Variants in PPP2R2B observed in about 807,000 individuals in gnomAD.
The protein encoded by PPP2R2B is protein phosphatase 2 regulatory subunit Bbeta.
A neutral mutation model predicts 46.0 loss-of-function variants in PPP2R2B; 5 were observed. That is an observed-to-expected ratio of 0.11 (90% confidence interval 0.06 to 0.23). PPP2R2B has a LOEUF of 0.23. PPP2R2B is among the 10% of genes least tolerant of loss of function. The pLI, the probability that PPP2R2B is intolerant of heterozygous loss-of-function variation, is 1.00. For missense variants in PPP2R2B, 367 were observed against 575.0 expected (o/e 0.64, Z 3.70); for synonymous variants, 215 against 206.7 (o/e 1.04, Z -0.34).
intron 2 of PPP2R2B, among the ~76,000 whole-genome samples, chr5:146,730,088 CA>C (rs1355841506): frequency 6.6e-6 from 1 of 152,226 alleles, no homozygotes; most frequent in African/African-American, 2.4e-5. Flanking sequence ...TGCAAAGCCA[CA>C]GGGGCAGAGC....
At chr5:146,707,680 A>G (rs1373687912) in intron 2 of PPP2R2B, 1 of 545,282 alleles carries the variant, frequency 1.8e-6, no homozygotes, top group Non-Finnish European at 3.3e-6. Flanking sequence ...TTGGTAGAAT[A>G]TATCTTTTCT....
At chr5:146,788,631 T>C (rs914936739) in intron 2 of PPP2R2B, among the ~76,000 whole-genome samples, 1 of 152,154 alleles carries the variant, frequency 6.6e-6, no homozygotes, top group African/African-American at 2.4e-5. Context: ...CTTGGGAGGC[T>C]GAGGCAAGAG....
At chr5:146,703,613 A>G (rs989423600) in intron 2 of PPP2R2B, among the ~76,000 whole-genome samples, 1 of 152,188 alleles carries the variant, frequency 6.6e-6, no homozygotes, top group African/African-American at 2.4e-5. Context: ...ATATTACTCC[A>G]AGGGCAACAC....
intron 2 of PPP2R2B, among the ~76,000 whole-genome samples, chr5:146,824,433 A>G (rs2151337981): frequency 6.6e-6 from 1 of 152,292 alleles, no homozygotes; most frequent in East Asian, 1.9e-4. Context: ...TTTGTGAGTT[A>G]GCTCTTTGGC....
At chr5:146,899,008 C>T (rs1265901040) in intron 1 of PPP2R2B, among the ~76,000 whole-genome samples, 3 of 151,084 alleles carry the variant, frequency 2.0e-5, no homozygotes, top group Non-Finnish European at 4.4e-5. Flanking sequence ...GAAATAGGAA[C>T]ATTTTACACT....
chr5:146,600,791 TA>T (rs1378450760), intron 7 of PPP2R2B, among the ~76,000 whole-genome samples: 1 of 152,194 alleles, frequency 6.6e-6, no homozygotes, highest in East Asian at 1.9e-4. Context: ...TTAAGATAGT[TA>T]AAAAAATTTG....
intron 2 of PPP2R2B, among the ~76,000 whole-genome samples, chr5:146,855,433 A>T (rs1760597898): frequency 6.6e-6 from 1 of 152,212 alleles, no homozygotes; most frequent in Non-Finnish European, 1.5e-5. Flanking sequence ...ATCTTTATCC[A>T]TAGTCTGATG....
chr5:146,934,154 G>A (rs1265545716), intron 1 of PPP2R2B, among the ~76,000 whole-genome samples: 2 of 152,066 alleles, frequency 1.3e-5, no homozygotes, highest in Non-Finnish European at 1.5e-5. Flanking sequence ...GTGTGCATGT[G>A]TCTTTATAGC....
chr5:146,986,974 G>A (rs902456572), intron 1 of PPP2R2B, among the ~76,000 whole-genome samples: 4 of 152,016 alleles, frequency 2.6e-5, no homozygotes, highest in African/African-American at 4.8e-5. Flanking sequence ...ACTCTCAAAT[G>A]TCAAAAACAA....
At chr5:146,925,614 GTGGATCTATT>G (rs1763757368) in intron 1 of PPP2R2B, among the ~76,000 whole-genome samples, 1 of 152,156 alleles carries the variant, frequency 6.6e-6, no homozygotes, top group African/African-American at 2.4e-5. Flanking sequence ...GTGTTCAAGT[GTGGATCTATT>G]TGTATTTATC....
intron 1 of PPP2R2B, among the ~76,000 whole-genome samples, chr5:146,946,167 C>T (rs1467139425): frequency 2.0e-5 from 3 of 152,164 alleles, no homozygotes; most frequent in African/African-American, 7.2e-5. Flanking sequence ...CACAAAAGGA[C>T]ATACAATTAG....
chr5:146,711,351 C>T lies in PPP2R2B; in HGVS notation c.71-10209G>A, dbSNP rs1231304331. On this transcript the variant is annotated intron_variant, in intron 2 of 9. Coordinates refer to ENST00000394411, the MANE Select transcript of PPP2R2B (RefSeq NM_181675.4). ...GGACCAACATATAGAGAATGGATAA[C>T]CCTAAACAAAGTATCAATAATCAAA... Among the ~76,000 whole-genome samples, 3 of 152,018 alleles carry T rather than the reference C, an allele frequency of 2.0e-5. No homozygotes were observed. In the South Asian group the frequency reaches 6.2e-4, roughly 31 times the overall value.
At chr5:146,966,646 G>C (rs1052383257) in intron 1 of PPP2R2B, among the ~76,000 whole-genome samples, 1 of 152,140 alleles carries the variant, frequency 6.6e-6, no homozygotes, top group East Asian at 1.9e-4. Flanking sequence ...ACGGAAGGCA[G>C]CCAAGTGTGG....
chr5:146,854,050 A>G (rs1039194624), intron 2 of PPP2R2B, among the ~76,000 whole-genome samples: 2 of 152,078 alleles, frequency 1.3e-5, no homozygotes, highest in Admixed American at 1.3e-4. Context: ...CCAGGTCTAT[A>G]TACTAAACCT....
chr5:147,053,163 T>C (rs570935771), intron 1 of PPP2R2B, among the ~76,000 whole-genome samples: 1 of 151,330 alleles, frequency 6.6e-6, no homozygotes, highest in East Asian at 1.9e-4. Flanking sequence ...TCAATATCTC[T>C]CATTTGACAT....
chr5:146,648,714 G>A (rs1325545455), intron 6 of PPP2R2B, among the ~76,000 whole-genome samples: 1 of 152,188 alleles, frequency 6.6e-6, no homozygotes, highest in Non-Finnish European at 1.5e-5. Context: ...ATGGGAAAGA[G>A]TACCTCTGGG....
intron 1 of PPP2R2B, among the ~76,000 whole-genome samples, chr5:146,977,206 T>C (rs137861554): frequency 0.014 from 2,087 of 152,220 alleles, 52 homozygotes; most frequent in African/African-American, 0.048. Flanking sequence ...CTTGGATTAT[T>C]GTAATAGCCT....
At chr5:147,033,450 C>G (rs569916863) in intron 1 of PPP2R2B, among the ~76,000 whole-genome samples, 3 of 152,128 alleles carry the variant, frequency 2.0e-5, no homozygotes. Context: ...ATGACCAGTA[C>G]TCATAACTTA....
chr5:146,849,403 C>G lies in PPP2R2B; in HGVS notation c.70+28599G>C, dbSNP rs147101179. On this transcript the variant is annotated intron_variant, in intron 2 of 9. Coordinates refer to ENST00000394411, the MANE Select transcript of PPP2R2B (RefSeq NM_181675.4). Reference sequence around the variant, plus strand: ...CTCCTCTTGCTTATCTGTAAATTCTCACTCCACTAGTGAGAAATGACTGTA... The same window carrying G: ...CTCCTCTTGCTTATCTGTAAATTCTGACTCCACTAGTGAGAAATGACTGTA... 8.5e-3 allele frequency among the ~76,000 whole-genome samples: 1,298 copies of G among 152,264 alleles called. 26 individuals are homozygous for G. Among genetic ancestry groups the G allele is most frequent in the African/African-American group, 0.03 (1,233 of 41,542 alleles).
Sources: allele counts gnomAD v4.1 joint callset (sites outside exome capture counted in the v4.1 genomes callset), GRCh38; gene constraint gnomAD v4.1.1; transcripts MANE v1.5; gene names NCBI Gene and HGNC (gene_info 2026-07-23, HGNC 2026-07-21).